CAST: variants seen among roughly 807,000 people sequenced by gnomAD.
CAST encodes MIR583 host.
CAST carries 76 observed loss-of-function variants against 119.6 expected under a neutral mutation model. That is an observed-to-expected ratio of 0.64 (90% CI 0.53 to 0.77). The LOEUF (loss-of-function observed/expected upper bound fraction) is 0.77. Ranked by LOEUF, CAST falls within the 30% of genes least tolerant of loss-of-function variation. The pLI is 0.00. For missense variants in CAST, 953 were observed against 946.5 expected, an observed-to-expected ratio of 1.01 and a Z score of -0.09; for synonymous variants, 319 against 331.6, an observed-to-expected ratio of 0.96 and a Z score of 0.41.
chr5:96,127,724 T>G, the CAST span, among the ~76,000 whole-genome samples: 3 of 152,120 alleles, frequency 2.0e-5, no homozygotes, highest in African/African-American at 4.8e-5. Flanking sequence ...ATTTAAAAGC[T>G]TTTTTGGCAT....
chr5:96,488,989 G>A, the CAST span, among the ~76,000 whole-genome samples: 1 of 152,190 alleles, frequency 6.6e-6, no homozygotes, highest in East Asian at 1.9e-4. Context: ...TTAAGGAAGA[G>A]GGCATAGAAT....
At chr5:96,301,877 C>T in the CAST span, among the ~76,000 whole-genome samples, 1 of 152,174 alleles carries the variant, frequency 6.6e-6, no homozygotes, top group Admixed American at 6.5e-5. Flanking sequence ...GGTGGATCTA[C>T]CATTCGGGGA....
At chr5:96,113,954 GTCA>G in the CAST span, among the ~76,000 whole-genome samples, 27 of 152,118 alleles carry the variant, frequency 1.8e-4, no homozygotes, top group Non-Finnish European at 3.8e-4. Context: ...TCACACTTTT[GTCA>G]TCATCAGTCC....
At chr5:96,308,091 A>C in the CAST span, among the ~76,000 whole-genome samples, 1 of 152,146 alleles carries the variant, frequency 6.6e-6, no homozygotes, top group Non-Finnish European at 1.5e-5. Flanking sequence ...AGGTACACCA[A>C]TCAAACGTAG....
intron 1 of CAST, among the ~76,000 whole-genome samples, chr5:96,637,490 C>T (rs1214553162): frequency 6.6e-6 from 1 of 152,110 alleles, no homozygotes; most frequent in East Asian, 1.9e-4. Flanking sequence ...GCACATTTTG[C>T]AAATAACTTC....
intron 1 of CAST, among the ~76,000 whole-genome samples, chr5:96,665,901 T>C (rs934071289): frequency 2.0e-5 from 3 of 150,052 alleles, no homozygotes; most frequent in Non-Finnish European, 4.4e-5. Flanking sequence ...AATACAGATG[T>C]CTGTCTGTAT....
chr5:96,485,550 G>A, the CAST span, among the ~76,000 whole-genome samples: 1 of 152,164 alleles, frequency 6.6e-6, no homozygotes, highest in South Asian at 2.1e-4. Context: ...AAAAGTGGAA[G>A]AAAGGATAGA....
chr5:96,088,831 C>T, the CAST span, among the ~76,000 whole-genome samples: 21 of 152,114 alleles, frequency 1.4e-4, 1 homozygote, highest in Admixed American at 3.9e-4. Context: ...CTGCTTGGGG[C>T]AGGCATCCCT....
the CAST span, among the ~76,000 whole-genome samples, chr5:96,055,799 A>T: frequency 6.6e-6 from 1 of 152,080 alleles, no homozygotes; most frequent in Admixed American, 6.6e-5. Flanking sequence ...TATATCAGTA[A>T]TTTCCTGTGG....
chr5:95,982,872 C>T, the CAST span, among the ~76,000 whole-genome samples: 1 of 152,012 alleles, frequency 6.6e-6, no homozygotes, highest in African/African-American at 2.4e-5. Context: ...TTTATAAAGA[C>T]AAATGCCCAA....
At chr5:96,200,343 G>C in the CAST span, among the ~76,000 whole-genome samples, 1 of 152,254 alleles carries the variant, frequency 6.6e-6, no homozygotes, top group East Asian at 1.9e-4. Context: ...ATTCATTTAA[G>C]ATGATGATTG....
the CAST span, among the ~76,000 whole-genome samples, chr5:95,978,122 T>C: frequency 6.6e-6 from 1 of 152,206 alleles, no homozygotes; most frequent in Non-Finnish European, 1.5e-5. Flanking sequence ...TGTGCATGTG[T>C]CTCTATGATA....
chr5:96,458,027 G>A, the CAST span, among the ~76,000 whole-genome samples: 1 of 152,122 alleles, frequency 6.6e-6, no homozygotes, highest in Non-Finnish European at 1.5e-5. Context: ...GACTTCATGG[G>A]TTAACAGCTC....
the CAST span, among the ~76,000 whole-genome samples, chr5:96,405,771 T>C: frequency 6.6e-6 from 1 of 152,216 alleles, no homozygotes; most frequent in Non-Finnish European, 1.5e-5. Flanking sequence ...GATTGCACTT[T>C]TACAATTTCA....
intron 16 of CAST, among the ~76,000 whole-genome samples, chr5:96,745,799 C>T (rs935614600): frequency 6.6e-6 from 1 of 152,166 alleles, no homozygotes; most frequent in Non-Finnish European, 1.5e-5. Context: ...ATCCATGGAT[C>T]AGCCAAGATT....
chr5:96,469,264 C>G, the CAST span, among the ~76,000 whole-genome samples: 1,092 of 152,138 alleles, frequency 7.2e-3, 15 homozygotes, highest in African/African-American at 0.025. Context: ...AGTGTTTGTT[C>G]TCAATATCAT....
chr5:96,625,210 T>A (rs1184013731), intron 1 of CAST, among the ~76,000 whole-genome samples: 2 of 152,216 alleles, frequency 1.3e-5, no homozygotes, highest in African/African-American at 2.4e-5. Context: ...TGTTTAGGAC[T>A]ACTAGTTAGT....
the CAST span, among the ~76,000 whole-genome samples, chr5:96,454,625 T>C: frequency 6.6e-6 from 1 of 152,234 alleles, no homozygotes; most frequent in Non-Finnish European, 1.5e-5. Flanking sequence ...TAGCGGGAGC[T>C]ACTCAACACT....
chr5:96,066,146 G>A, the CAST span, among the ~76,000 whole-genome samples: 1 of 152,168 alleles, frequency 6.6e-6, no homozygotes, highest in Non-Finnish European at 1.5e-5. Flanking sequence ...ATCATTAAAA[G>A]AGGTTTAAGT....
Sources: allele counts gnomAD v4.1 joint callset (sites outside exome capture counted in the v4.1 genomes callset), GRCh38; gene constraint gnomAD v4.1.1; transcripts MANE v1.5; gene names NCBI Gene and HGNC (gene_info 2026-07-23, HGNC 2026-07-21).